ARHGEF4: variants seen among roughly 807,000 people sequenced by gnomAD.
ARHGEF4 encodes Rho guanine nucleotide exchange factor 4.
A neutral mutation model predicts 162.0 loss-of-function variants in ARHGEF4; 119 were observed. The ratio of observed to expected loss-of-function variants is 0.73; its 90% CI spans 0.63 to 0.86. The LOEUF is 0.86. Ranked by LOEUF, ARHGEF4 falls within the 40% of genes least tolerant of loss-of-function variation. ARHGEF4 has a pLI of 0.00. For missense variants in ARHGEF4, 2,488 were observed against 2,456.0 expected (o/e 1.01, Z -0.28); for synonymous variants, 1,014 against 979.9 (o/e 1.03, Z -0.65).
chr2:131,002,613 A>G (rs1305996871), intron 4 of ARHGEF4, among the ~76,000 whole-genome samples: 1 of 149,040 alleles, frequency 6.7e-6, no homozygotes, highest in Non-Finnish European at 1.5e-5. Flanking sequence ...CAGAGGCTGA[A>G]GCAGGAGAAT....
At chr2:130,964,318 GCCC>G (rs1190542663) in intron 4 of ARHGEF4, 1 of 920,392 alleles carries the variant, frequency 1.1e-6, no homozygotes, top group African/African-American at 1.8e-5. Context: ...GGGACCCCCC[GCCC>G]CCCTCCTGCC....
intron 4 of ARHGEF4, among the ~76,000 whole-genome samples, chr2:130,961,485 C>T (rs964010440): frequency 3.3e-5 from 5 of 152,086 alleles, no homozygotes; most frequent in Admixed American, 2.0e-4. Context: ...GGCAGAAGTG[C>T]AGGGAGCATG....
At chr2:130,975,614 G>A (rs115364629) in intron 4 of ARHGEF4, among the ~76,000 whole-genome samples, 3,591 of 152,226 alleles carry the variant, frequency 0.024, 118 homozygotes, top group African/African-American at 0.08. Flanking sequence ...CCTGCCTCCA[G>A]TCCCACCTGT....
intron 8 of ARHGEF4, 83 bp downstream of exon 8, chr2:131,040,523 G>C (rs2105408530): frequency 6.9e-7 from 1 of 1,445,032 alleles, no homozygotes; most frequent in Admixed American, 2.6e-5. Flanking sequence ...GCGGGTGGCT[G>C]GTCCCAAAAC....
intron 4 of ARHGEF4, among the ~76,000 whole-genome samples, chr2:130,977,444 G>T (rs1392703647): frequency 6.6e-6 from 1 of 151,716 alleles, no homozygotes; most frequent in Non-Finnish European, 1.5e-5. Context: ...TGTGGTGTAT[G>T]TTGCGTGTGT....
intron 10 of ARHGEF4, among the ~76,000 whole-genome samples, chr2:131,042,173 T>A (rs1690867783): frequency 6.6e-6 from 1 of 152,100 alleles, no homozygotes; most frequent in African/African-American, 2.4e-5. Context: ...TATGTGAAAC[T>A]CCTCCCATGA....
At chr2:130,968,848 G>A (rs1276444290) in intron 4 of ARHGEF4, among the ~76,000 whole-genome samples, 1 of 152,150 alleles carries the variant, frequency 6.6e-6, no homozygotes, top group Non-Finnish European at 1.5e-5. Context: ...AACCCAGGAG[G>A]CAGAGGTTGC....
At chr2:130,937,196 C>T (rs1368182274) in intron 3 of ARHGEF4, among the ~76,000 whole-genome samples, 5 of 151,990 alleles carry the variant, frequency 3.3e-5, no homozygotes, top group African/African-American at 9.7e-5. Context: ...CAGGTGTGAG[C>T]CACTGTGTCT....
intron 4 of ARHGEF4, among the ~76,000 whole-genome samples, chr2:130,948,051 C>T (rs1683727323): frequency 1.3e-5 from 2 of 152,216 alleles, no homozygotes; most frequent in Non-Finnish European, 2.9e-5. Flanking sequence ...GTAGTCAGGT[C>T]CTGTCGGTGC....
intron 1 of ARHGEF4, among the ~76,000 whole-genome samples, chr2:130,894,877 G>C (rs137899403): frequency 6.6e-6 from 1 of 152,032 alleles, no homozygotes; most frequent in African/African-American, 2.4e-5. Context: ...AGTTTCTTTT[G>C]TGGCTCCTCT....
chr2:130,915,835 C>A lies in ARHGEF4; in HGVS notation c.1889C>A (p.Ala630Asp). 1 of 1,534,588 alleles carries A rather than the reference C, an allele frequency of 6.5e-7. No homozygotes were observed. The highest frequency in any genetic ancestry group is 8.8e-7 in the Non-Finnish European group (1 of 1,139,068). The change falls in exon 2 of 14, where the codon GCC becomes GAC. Residue 630 changes from alanine to aspartate, a missense_variant. Around this residue, in one of 6 missense-constraint regions of ARHGEF4, gnomAD observed 1,642 missense variants for 1,481.5 expected, o/e 1.11. Transcript: ENST00000409359. Reference protein sequence around the residue: ...AGGEASRGRGALIIVAVEQKG... With the variant: ...AGGEASRGRGDLIIVAVEQKG... ...GGCGAGGCCTCGAGGGGCAGGGGCG[C>A]CCTCATCATTGTAGCTGTGGAGCAG...
chr2:131,007,340 A>T (rs1688180946), intron 4 of ARHGEF4, among the ~76,000 whole-genome samples: 1 of 152,150 alleles, frequency 6.6e-6, no homozygotes, highest in Non-Finnish European at 1.5e-5. Flanking sequence ...CTCCTCCATC[A>T]TAGCCCTGCA....
At chr2:130,838,958 C>T (rs180709275) in intron 1 of ARHGEF4, among the ~76,000 whole-genome samples, 25 of 152,174 alleles carry the variant, frequency 1.6e-4, no homozygotes, top group Admixed American at 4.6e-4. Flanking sequence ...CTGACACACA[C>T]GGTCCTCCAG....
At chr2:130,885,877 C>G (rs1032184817) in intron 1 of ARHGEF4, among the ~76,000 whole-genome samples, 1 of 151,932 alleles carries the variant, frequency 6.6e-6, no homozygotes, top group Non-Finnish European at 1.5e-5. Flanking sequence ...GCCTTTTCTT[C>G]TTTTATTTTG....
chr2:130,885,873 T>G (rs1029796612), intron 1 of ARHGEF4, among the ~76,000 whole-genome samples: 1 of 151,956 alleles, frequency 6.6e-6, no homozygotes, highest in African/African-American at 2.4e-5. Context: ...CCCGGCCTTT[T>G]CTTCTTTTAT....
intron 1 of ARHGEF4, among the ~76,000 whole-genome samples, chr2:130,911,178 C>T (rs1178272100): frequency 6.6e-6 from 1 of 152,126 alleles, no homozygotes; most frequent in Non-Finnish European, 1.5e-5. Context: ...CACCATCCTC[C>T]CCTCCTGATG....
chr2:130,998,850 C>T (rs941057216), intron 4 of ARHGEF4, among the ~76,000 whole-genome samples: 1 of 152,176 alleles, frequency 6.6e-6, no homozygotes, highest in Non-Finnish European at 1.5e-5. Context: ...ATTGCTGGAT[C>T]ATATGGTAAG....
intron 4 of ARHGEF4, among the ~76,000 whole-genome samples, chr2:130,976,349 CTGTG>C (rs70994727): frequency 9.5e-5 from 14 of 148,088 alleles, no homozygotes; most frequent in African/African-American, 1.8e-4. Context: ...GTGTGTGTGT[CTGTG>C]TGTGTGTGTG....
chr2:130,984,105 T>G (rs778351123), intron 4 of ARHGEF4, among the ~76,000 whole-genome samples: 3 of 152,122 alleles, frequency 2.0e-5, no homozygotes, highest in Non-Finnish European at 4.4e-5. Flanking sequence ...AACATACTGG[T>G]TTTACATGGT....
Sources: allele counts gnomAD v4.1 joint callset (sites outside exome capture counted in the v4.1 genomes callset), GRCh38; gene constraint gnomAD v4.1.1; regional missense constraint gnomAD v4.1.1; transcripts MANE v1.5; gene names NCBI Gene and HGNC (gene_info 2026-07-23, HGNC 2026-07-21).